The following CIMAP1C variants were observed in gnomAD, a reference collection of about 807,000 sequenced individuals.
CIMAP1C encodes ciliary microtubule associated protein 1C, also known as outer dense fiber of sperm tails 3 like 1.
At chr15:75,727,118 G>C in the CIMAP1C span, 1 of 1,613,986 alleles carries the variant, frequency 6.2e-7, no homozygotes, top group East Asian at 2.2e-5. Context: ...CCCACCGGGG[G>C]AACGCAGGGC....
At chr15:75,726,980 C>A in the CIMAP1C span, 3 of 1,537,890 alleles carry the variant, frequency 2.0e-6, no homozygotes, top group Non-Finnish European at 2.6e-6. Flanking sequence ...AGTGGATAAC[C>A]AGGACCATCA....
the CIMAP1C span, chr15:75,727,467 A>C: frequency 6.2e-7 from 1 of 1,613,400 alleles, no homozygotes; most frequent in Non-Finnish European, 8.5e-7. Context: ...CACAAGCCCC[A>C]CATCCCTGCT....
chr15:75,726,909 C>T, the CIMAP1C span: 67 of 1,012,134 alleles, frequency 6.6e-5, no homozygotes, highest in African/African-American at 6.8e-4. Flanking sequence ...CCACCGCGTC[C>T]GGCCTAAGTG....
the CIMAP1C span, chr15:75,724,138 A>G: frequency 2.8e-6 from 3 of 1,087,532 alleles, no homozygotes; most frequent in East Asian, 7.1e-5. Context: ...GGGATACTCT[A>G]GCCCCTTGAC....
chr15:75,727,166 G>T, the CIMAP1C span: 1 of 1,614,082 alleles, frequency 6.2e-7, no homozygotes, highest in South Asian at 1.1e-5. Flanking sequence ...CCCATACAGA[G>T]TGATGGACCT....
the CIMAP1C span, among the ~76,000 whole-genome samples, chr15:75,725,817 T>C: frequency 6.6e-6 from 1 of 152,112 alleles, no homozygotes; most frequent in Non-Finnish European, 1.5e-5. Flanking sequence ...AACCCCTGAT[T>C]GGGTGGGTGG....
the CIMAP1C span, chr15:75,724,241 A>C: frequency 1.9e-6 from 3 of 1,614,146 alleles, no homozygotes; most frequent in Non-Finnish European, 2.5e-6. Flanking sequence ...TGTACTTTGC[A>C]CAGCACCCAG....
At chr15:75,725,143 A>T in the CIMAP1C span, 3 of 1,614,060 alleles carry the variant, frequency 1.9e-6, no homozygotes, top group Non-Finnish European at 2.5e-6. Context: ...GCCATCCTGC[A>T]CGGGCTACAT....
At chr15:75,724,113 G>C in the CIMAP1C span, 10 of 826,436 alleles carry the variant, frequency 1.2e-5, no homozygotes, top group Non-Finnish European at 1.9e-5. Flanking sequence ...GTGGGGGATG[G>C]GGGGGTCTCA....
At chr15:75,725,272 T>C in the CIMAP1C span, 1 of 1,326,890 alleles carries the variant, frequency 7.5e-7, no homozygotes, top group East Asian at 2.3e-5. Context: ...TGTTGGAGGT[T>C]GAGGGGAGAG....
the CIMAP1C span, chr15:75,725,204 G>A: frequency 2.2e-5 from 36 of 1,612,498 alleles, no homozygotes; most frequent in East Asian, 4.5e-5. Context: ...CTGCATAGCC[G>A]GCACTCAGAG....
chr15:75,727,472 CCTG>C, the CIMAP1C span: 1 of 1,612,944 alleles, frequency 6.2e-7, no homozygotes, highest in Non-Finnish European at 8.5e-7. Flanking sequence ...GCCCCACATC[CCTG>C]CTTTCACCAT....
the CIMAP1C span, chr15:75,727,423 C>A: frequency 3.7e-6 from 6 of 1,613,804 alleles, no homozygotes; most frequent in Admixed American, 8.3e-5. Flanking sequence ...CACGGCCTGG[C>A]CCCGGCTCCC....
chr15:75,727,048 C>A, the CIMAP1C span: 6 of 1,607,906 alleles, frequency 3.7e-6, no homozygotes, highest in Non-Finnish European at 5.1e-6. Context: ...CTTCCCGCCA[C>A]TCCCTTTCAG....
the CIMAP1C span, chr15:75,726,212 TGGGGGGTG>T: frequency 1.0e-5 from 5 of 495,128 alleles, no homozygotes; most frequent in South Asian, 9.8e-5. Context: ...GTTGGGAGGT[TGGGGGGTG>T]GGGTGCACCC....
At chr15:75,724,664 T>A in the CIMAP1C span, among the ~76,000 whole-genome samples, 1 of 152,248 alleles carries the variant, frequency 6.6e-6, no homozygotes, top group Admixed American at 6.5e-5. Flanking sequence ...AGTAGTTTAG[T>A]GCAGGGATTG....
the CIMAP1C span, chr15:75,724,082 C>T: frequency 5.8e-6 from 4 of 687,636 alleles, no homozygotes; most frequent in Non-Finnish European, 1.1e-5. Flanking sequence ...GTCTTCCTTC[C>T]CAGCTTCCTC....
At chr15:75,724,305 G>T in the CIMAP1C span, 1 of 1,612,312 alleles carries the variant, frequency 6.2e-7, no homozygotes, top group Non-Finnish European at 8.5e-7. Flanking sequence ...TGTCATCATG[G>T]CCAAGATCAA....
chr15:75,725,366 G>T, the CIMAP1C span: 1 of 657,460 alleles, frequency 1.5e-6, no homozygotes, highest in Non-Finnish European at 2.7e-6. Context: ...CGGGGATTGA[G>T]GGTGGGGCAA....
Sources: allele counts gnomAD v4.1 joint callset (sites outside exome capture counted in the v4.1 genomes callset), GRCh38; gene constraint gnomAD v4.1.1; transcripts MANE v1.5; gene names NCBI Gene and HGNC (gene_info 2026-07-23, HGNC 2026-07-21).